DNAAF9: variants seen among roughly 807,000 people sequenced by gnomAD.
The protein encoded by DNAAF9 is dynein axonemal assembly factor 9.
Under a neutral mutation model 167.0 loss-of-function variants are expected in DNAAF9, and 90 were observed. The ratio of observed to expected loss-of-function variants is 0.54; its 90% CI spans 0.45 to 0.64. DNAAF9 has a LOEUF of 0.64. DNAAF9 is among the 30% of genes least tolerant of loss of function. The pLI is 0.00. For missense variants in DNAAF9, 1,315 were observed against 1,442.2 expected, an observed-to-expected ratio of 0.91 and a Z score of 1.43; for synonymous variants, 491 against 508.8, an observed-to-expected ratio of 0.96 and a Z score of 0.47.
intron 16 of DNAAF9, among the ~76,000 whole-genome samples, chr20:3,320,805 T>C (rs776597222): frequency 6.6e-6 from 1 of 152,228 alleles, no homozygotes; most frequent in Non-Finnish European, 1.5e-5. Context: ...GGGGATGCGC[T>C]TGTACCAAAT....
chr20:3,394,937 ATTTTCTTTTTTCTTTTTTTTTT>A (rs2083878288), intron 1 of DNAAF9, among the ~76,000 whole-genome samples: 1 of 102,412 alleles, frequency 9.8e-6, no homozygotes, highest in South Asian at 3.0e-4. Flanking sequence ...TTTACTGAAC[ATTTTCTTTTTTCTTTTTTTTTT>A]TTTTTTTTTT....
chr20:3,394,508 C>G (rs1417283525), intron 1 of DNAAF9, among the ~76,000 whole-genome samples: 1 of 152,016 alleles, frequency 6.6e-6, no homozygotes, highest in Admixed American at 6.6e-5. Flanking sequence ...CCTCTTGTGC[C>G]TTCCCCAGTC....
intron 1 of DNAAF9, among the ~76,000 whole-genome samples, chr20:3,383,273 T>C (rs2083687421): frequency 7.8e-6 from 1 of 127,550 alleles, no homozygotes; most frequent in Non-Finnish European, 1.6e-5. Context: ...CCCTAACACT[T>C]TTTTTTTTTT....
At chr20:3,347,254 T>C (rs1455782779) in intron 8 of DNAAF9, among the ~76,000 whole-genome samples, 2 of 152,174 alleles carry the variant, frequency 1.3e-5, no homozygotes, top group East Asian at 3.9e-4. Context: ...CTTTCAAGTA[T>C]CAAAAGGTAA....
chr20:3,266,540 C>G (rs960391035), intron 30 of DNAAF9, among the ~76,000 whole-genome samples: 3 of 152,098 alleles, frequency 2.0e-5, no homozygotes, highest in African/African-American at 7.2e-5. Flanking sequence ...TGCAGTGGCG[C>G]GGTCTCGGCC....
At chr20:3,358,084 A>G (rs1385086759) in intron 7 of DNAAF9, among the ~76,000 whole-genome samples, 4 of 152,116 alleles carry the variant, frequency 2.6e-5, no homozygotes, top group South Asian at 2.1e-4. Context: ...GGATTTTATT[A>G]TAGGTATGTT....
chr20:3,352,234 C>A (rs902415671), intron 7 of DNAAF9, among the ~76,000 whole-genome samples: 2 of 152,114 alleles, frequency 1.3e-5, no homozygotes, highest in Non-Finnish European at 1.5e-5. Context: ...TGGTAATCTG[C>A]AGGGTCCTGG....
chr20:3,261,897 G>A (rs1477725217), intron 31 of DNAAF9, among the ~76,000 whole-genome samples: 1 of 151,930 alleles, frequency 6.6e-6, no homozygotes, highest in African/African-American at 2.4e-5. Context: ...AAGGCAGCAA[G>A]GTTTCTGCCC....
At chr20:3,363,269 T>TTTTTG (rs969698676) in intron 6 of DNAAF9, among the ~76,000 whole-genome samples, 5 of 142,204 alleles carry the variant, frequency 3.5e-5, no homozygotes, top group African/African-American at 1.1e-4. Flanking sequence ...AAAGCAAACT[T>TTTTTG]TTTTGTTTTG....
chr20:3,381,816 T>C (rs2083658334), intron 2 of DNAAF9, among the ~76,000 whole-genome samples: 1 of 152,162 alleles, frequency 6.6e-6, no homozygotes, highest in South Asian at 2.1e-4. Flanking sequence ...TCTTCACCTT[T>C]CAAAGAGATC....
intron 13 of DNAAF9, 129 bp downstream of exon 13, chr20:3,326,068 C>A: frequency 3.0e-6 from 2 of 658,740 alleles, no homozygotes; most frequent in South Asian, 1.9e-5. Flanking sequence ...CTTCTCTCTG[C>A]CTGGTGTCAA....
intron 30 of DNAAF9, among the ~76,000 whole-genome samples, chr20:3,265,758 A>C (rs2068479797): frequency 1.5e-5 from 2 of 137,926 alleles, no homozygotes; most frequent in African/African-American, 2.8e-5. Context: ...TCTCACTGCA[A>C]CCTCCGCCTC....
At chr20:3,277,729 C>T (rs2068696926) in intron 29 of DNAAF9, among the ~76,000 whole-genome samples, 1 of 152,160 alleles carries the variant, frequency 6.6e-6, no homozygotes, top group Admixed American at 6.6e-5. Context: ...ATCTCCATTT[C>T]ATCCTGTTTC....
intron 29 of DNAAF9, among the ~76,000 whole-genome samples, chr20:3,271,739 A>G (rs1363837985): frequency 6.6e-6 from 1 of 151,528 alleles, no homozygotes; most frequent in Admixed American, 6.6e-5. Flanking sequence ...CTCCTGCCTC[A>G]GCCTCCTAAG....
intron 6 of DNAAF9, chr20:3,359,994 C>T (rs2083339324): frequency 6.4e-6 from 1 of 155,778 alleles, no homozygotes; most frequent in African/African-American, 2.4e-5. Context: ...CCAACCTTTC[C>T]CAAACCCCCA....
intron 8 of DNAAF9, among the ~76,000 whole-genome samples, chr20:3,344,580 TACACACACATACACAC>T (rs1279806348): frequency 2.0e-5 from 2 of 98,282 alleles, no homozygotes; most frequent in Non-Finnish European, 4.1e-5. Flanking sequence ...ATGGAAAAAA[TACACACACATACACAC>T]ACACACACAC....
chr20:3,320,001 G>A (rs1176249867), intron 16 of DNAAF9, among the ~76,000 whole-genome samples: 6 of 152,116 alleles, frequency 3.9e-5, no homozygotes, highest in Non-Finnish European at 8.8e-5. Context: ...AGATCCTGGG[G>A]GTTCCTGATC....
At chr20:3,291,905 G>A (rs562188073) in intron 25 of DNAAF9, among the ~76,000 whole-genome samples, 4 of 151,878 alleles carry the variant, frequency 2.6e-5, no homozygotes, top group African/African-American at 4.8e-5. Context: ...CCCTGTCTTC[G>A]TTCCTATTTC....
At position 3,322,711 on chromosome 20, in the gene DNAAF9, C is replaced by T; in HGVS notation, c.1266-15G>A. 6.2e-7 allele frequency: 1 copy of T among 1,608,538 alleles called. No individual in the cohort carries two copies. The highest frequency in any genetic ancestry group is 8.5e-7 in the Non-Finnish European group (1 of 1,175,014). ...TCATCTTGGAGCTGTAGACCAGAAA[C>T]AAAACAAAAGAAAAATCAGTCTGCT... On this transcript the variant is annotated splice_polypyrimidine_tract_variant and intron_variant, in intron 14 of 36. Transcript: ENST00000252032.
Sources: gnomAD v4.1 joint callset for allele counts (sites outside exome capture counted in the v4.1 genomes callset) on GRCh38, gnomAD v4.1.1 for gene constraint, MANE v1.5 for transcripts, NCBI Gene and HGNC (gene_info 2026-07-23, HGNC 2026-07-21) for gene names.